ARSK: variants seen among roughly 807,000 people sequenced by gnomAD.
ARSK encodes arylsulfatase K.
ARSK carries 37 observed loss-of-function variants against 53.2 expected under a neutral mutation model. The observed-to-expected ratio is 0.70, with a 90% CI of 0.54 to 0.92. ARSK has a LOEUF of 0.92. Among genes scored for constraint, ARSK ranks in the 40% least tolerant of loss-of-function variants. ARSK has a pLI of 0.00. For synonymous variants in ARSK, 208 were observed against 223.2 expected, an observed-to-expected ratio of 0.93 and a Z score of 0.61; for missense variants, 613 against 643.0, an observed-to-expected ratio of 0.95 and a Z score of 0.51.
At chr5:95,569,821 G>T (rs1057054723) in intron 3 of ARSK, among the ~76,000 whole-genome samples, 2 of 152,178 alleles carry the variant, frequency 1.3e-5, no homozygotes, top group Non-Finnish European at 2.9e-5. Flanking sequence ...CATTAAAATT[G>T]CTCTCCTAGT....
At chr5:95,556,355 A>G in intron 1 of ARSK, 1 of 647,686 alleles carries the variant, frequency 1.5e-6, no homozygotes, top group Non-Finnish European at 2.8e-6. Context: ...TGCTCTTGTA[A>G]TCAAAGGCAA....
intron 3 of ARSK, among the ~76,000 whole-genome samples, chr5:95,576,511 C>T (rs1748927157): frequency 6.6e-6 from 1 of 151,814 alleles, no homozygotes; most frequent in African/African-American, 2.4e-5. Flanking sequence ...CTATACTTTT[C>T]ATGTCTTCTA....
At chr5:95,571,298 C>T (rs113960246) in intron 3 of ARSK, among the ~76,000 whole-genome samples, 11 of 152,278 alleles carry the variant, frequency 7.2e-5, no homozygotes, top group South Asian at 4.1e-4. Context: ...ACTTATATTC[C>T]GCAGCAGGAT....
chr5:95,579,848 G>C (rs779320990), intron 3 of ARSK, among the ~76,000 whole-genome samples: 3 of 152,150 alleles, frequency 2.0e-5, no homozygotes, highest in Admixed American at 6.5e-5. Flanking sequence ...TTCAAGATAG[G>C]TATGCTCCAT....
In ARSK at chr5:95,571,985, AT is replaced by A. The variant is rs370267658; in HGVS notation, c.416+3938del. Among the ~76,000 whole-genome samples the A allele has an allele frequency of 1.9e-3, 293 of 152,314 alleles. 2 individuals carry two copies. The highest frequency in any genetic ancestry group is 6.8e-3 in the African/African-American group (284 of 41,564). ...CAAAATCAAAATGCAAGTTATTATA[AT>A]TCTTTATTACTGAAATTGGCCATTT... is the stretch of plus-strand genomic sequence containing the variant. On this transcript the variant is annotated intron_variant, in intron 3 of 7. Coordinates refer to ENST00000380009, the MANE Select transcript of ARSK (RefSeq NM_198150.3).
In ARSK at chr5:95,604,785, C is replaced by T. The variant is rs148275712; in HGVS notation, c.*1259C>T. ...TGTATTTAACAGCCACTGGAATCTG[C>T]TTTACCATGGCCTTTCCTATTTCTA... On this transcript the variant is annotated 3_prime_UTR_variant, in exon 8 of 8. Coordinates refer to ENST00000380009, the MANE Select transcript of ARSK (RefSeq NM_198150.3). 3.1e-3 allele frequency: 479 copies of T among 152,274 alleles called. 5 individuals carry two copies. Among genetic ancestry groups the T allele is most frequent in the African/African-American group, 0.011 (450 of 41,568 alleles). The allele number at this position is 152,274 out of a possible 1,614,324, so 9.4% of individuals were successfully genotyped here. A position where few individuals can be genotyped will look rare whatever the true frequency, so the allele number is the denominator to read the frequency against.
At chr5:95,581,762 G>A (rs556153930) in intron 3 of ARSK, among the ~76,000 whole-genome samples, 4 of 152,164 alleles carry the variant, frequency 2.6e-5, no homozygotes, top group East Asian at 3.9e-4. Flanking sequence ...AAAATGAGAC[G>A]CCAGTGTCAG....
intron 3 of ARSK, among the ~76,000 whole-genome samples, chr5:95,577,090 A>G (rs1294937497): frequency 6.6e-6 from 1 of 152,224 alleles, no homozygotes; most frequent in East Asian, 1.9e-4. Context: ...AGCTGTGGAT[A>G]TGGTGATGTG....
At chr5:95,591,274 AG>A in intron 5 of ARSK, 126 bp from the exon 6 acceptor site, 1 of 766,028 alleles carries the variant, frequency 1.3e-6, no homozygotes, top group East Asian at 2.7e-5. Context: ...TGAGAACAGT[AG>A]GTAATATTCA....
rs1351306796 is a variant in ARSK at position 95,583,177 on chromosome 5, A to C, written c.678A>C (p.Thr226=). 1 of 1,583,598 alleles carries C rather than the reference A, an allele frequency of 6.3e-7. No individual in the cohort carries two copies. The highest frequency in any genetic ancestry group is 1.3e-5 in the African/African-American group (1 of 74,416). Residue 226 remains threonine (T), a synonymous_variant, in exon 4 of 8, where the codon ACA becomes ACC. Transcript: ENST00000380009. The stretch of plus-strand genomic sequence containing the variant: ...ATTTTGGATCTTCAACATTTCACAC[A>C]TCTCTTTATTGGCTTGAAAAAGTAA... ...GENFGSSTFH[T]SLYWLEKVSH...
intron 6 of ARSK, 36 bp from the exon 7 acceptor site, chr5:95,600,811 G>A (rs750151435): frequency 1.9e-6 from 3 of 1,542,792 alleles, no homozygotes; most frequent in Admixed American, 1.7e-5. Flanking sequence ...AAAAGAATGA[G>A]CTATTTTAAG....
intron 6 of ARSK, among the ~76,000 whole-genome samples, chr5:95,599,223 A>G (rs1360686084): frequency 1.3e-5 from 2 of 152,232 alleles, no homozygotes; most frequent in Non-Finnish European, 2.9e-5. Flanking sequence ...TCTCATAAAC[A>G]CAGGAGAAAC....
intron 5 of ARSK, among the ~76,000 whole-genome samples, chr5:95,589,200 A>G (rs1006075042): frequency 6.6e-6 from 1 of 152,194 alleles, no homozygotes; most frequent in Non-Finnish European, 1.5e-5. Flanking sequence ...GGTTGTTTAC[A>G]TAGTAATACT....
rs1464292736 is a variant in ARSK at position 95,555,683 on chromosome 5, A to G, written c.126+279A>G. On this transcript the variant is annotated intron_variant, in intron 1 of 7. Transcript: ENST00000380009. The surrounding 1 kb of genome is among the most constrained non-coding windows in gnomAD (Gnocchi z 4.0). ...CGATTCGCTAAATTATTTTACCACG[A>G]CTAATGAACTTTCAGTCCATACCCC... Among the ~76,000 whole-genome samples, 2 of 152,088 alleles carry G rather than the reference A, an allele frequency of 1.3e-5. No individual in the cohort carries two copies. Among genetic ancestry groups the G allele is most frequent in the Admixed American group, 1.3e-4 (2 of 15,270 alleles).
rs547446818 is a variant in ARSK at position 95,593,006 on chromosome 5, T to A, written c.1096+1381T>A. Among the ~76,000 whole-genome samples, 3 of 152,336 alleles carry A rather than the reference T, an allele frequency of 2.0e-5. 1 individual carries two copies. Among genetic ancestry groups the A allele is most frequent in the African/African-American group, 4.8e-5 (2 of 41,586 alleles). ...CTTTTCCTCATTTCTGTGTTTTTTT[T>A]AAAGAAGTTTATATAGAACTGTGTA... On this transcript the variant is annotated intron_variant, in intron 6 of 7. Coordinates refer to ENST00000380009, the MANE Select transcript of ARSK (RefSeq NM_198150.3).
chr5:95,589,509 A>C (rs1159168195), intron 5 of ARSK, among the ~76,000 whole-genome samples: 1 of 152,154 alleles, frequency 6.6e-6, no homozygotes, highest in East Asian at 1.9e-4. Context: ...GCTCCCACTT[A>C]TAAGTGAGAA....
intron 1 of ARSK, among the ~76,000 whole-genome samples, chr5:95,557,416 T>A (rs1043234079): frequency 6.6e-6 from 1 of 152,268 alleles, no homozygotes; most frequent in African/African-American, 2.4e-5. Flanking sequence ...TTTTTTGTTT[T>A]ATGCCAAATA....
At chr5:95,600,659 T>A (rs1401359440) in intron 6 of ARSK, 188 bp from the exon 7 acceptor site, 6 of 698,526 alleles carry the variant, frequency 8.6e-6, no homozygotes, top group Non-Finnish European at 1.3e-5. Context: ...GTAAATTACT[T>A]GCTGAAGTCC....
Position 95,583,085 on chromosome 5 carries a change from G to T in ARSK, c.586G>T (p.Glu196Ter). The T allele has an allele frequency of 6.2e-7, 1 of 1,613,586 alleles. No homozygotes were observed. The highest frequency in any genetic ancestry group is 1.1e-5 in the South Asian group (1 of 91,022). Residue 196 changes from glutamate to a stop codon, truncating the protein, a stop_gained, in exon 4 of 8, where the codon GAA becomes TAA. Coordinates refer to ENST00000380009, the MANE Select transcript of ARSK (RefSeq NM_198150.3). LOFTEE classifies it high-confidence loss of function. ...AAGAAAGGAAGCAATTAATTACACT[G>T]AACCATTTGTTATTTACTTGGGATT... ...WLRKEAINYT[E>*]PFVIYLGLNL...
Sources: gnomAD v4.1 joint callset for allele counts (sites outside exome capture counted in the v4.1 genomes callset) on GRCh38, gnomAD v4.1.1 for gene constraint, Gnocchi (gnomAD v3.1) non-coding constraint, MANE v1.5 for transcripts, NCBI Gene and HGNC (gene_info 2026-07-23, HGNC 2026-07-21) for gene names.